WWOX: variants seen among roughly 807,000 people sequenced by gnomAD.
WWOX encodes the protein WW domain containing oxidoreductase.
WWOX carries 69 observed loss-of-function variants against 46.2 expected under a neutral mutation model. That is an observed-to-expected ratio of 1.49 (90% CI 1.23 to 1.82). The LOEUF is 1.82. Ranked by LOEUF, WWOX falls within the 40% of genes most tolerant of loss-of-function variation. WWOX has a pLI of 0.00. For missense variants in WWOX, 919 were observed against 542.6 expected (o/e 1.69, Z -6.89); for synonymous variants, 359 against 202.6 (o/e 1.77, Z -6.56).
intron 8 of WWOX, among the ~76,000 whole-genome samples, chr16:78,703,689 G>C (rs923024134): frequency 6.6e-6 from 1 of 151,976 alleles, no homozygotes; most frequent in African/African-American, 2.4e-5. Context: ...AAAAAGATGG[G>C]TAACTCGGAA....
chr16:79,010,940 G>C (rs1275501864), intron 8 of WWOX, among the ~76,000 whole-genome samples: 3 of 151,842 alleles, frequency 2.0e-5, no homozygotes, highest in Admixed American at 2.0e-4. Flanking sequence ...CCATGGCTTT[G>C]GTTTCTACTT....
chr16:79,074,150 G>A (rs187171598), intron 8 of WWOX, among the ~76,000 whole-genome samples: 36 of 152,164 alleles, frequency 2.4e-4, no homozygotes, highest in African/African-American at 8.2e-4. Flanking sequence ...GTTAGAGTTC[G>A]AGCAGGCAAC....
intron 5 of WWOX, among the ~76,000 whole-genome samples, chr16:78,311,755 C>A (rs1313378836): frequency 3.4e-5 from 5 of 148,984 alleles, no homozygotes; most frequent in African/African-American, 1.3e-4. Flanking sequence ...ATGTTCATTA[C>A]TTAACGTAAT....
rs147337409 is a variant in WWOX, at chr16:78,481,246, A to C, written c.1056+48494A>C. Reference sequence around the variant, plus strand: ...TAATTTTTCTAACTGATGAAAGCGTACTTCCATCAACTCAAGACAGTTCAA... The same window carrying C: ...TAATTTTTCTAACTGATGAAAGCGTCCTTCCATCAACTCAAGACAGTTCAA... On this transcript the variant is annotated intron_variant, in intron 8 of 8. Transcript: ENST00000566780. Among the ~76,000 whole-genome samples, 767 of 152,300 alleles carry C rather than the reference A, an allele frequency of 5.0e-3. 7 individuals carry two copies. The highest frequency in any genetic ancestry group is 0.018 in the African/African-American group (734 of 41,560).
chr16:78,547,127 G>GAAAAAAAAAAAAA (rs199726097), intron 8 of WWOX, among the ~76,000 whole-genome samples: 7 of 87,492 alleles, frequency 8.0e-5, no homozygotes, highest in Middle Eastern at 5.8e-3. Context: ...CCTTGTCTCA[G>GAAAAAAAAAAAAA]AAAAAAAAAA....
At chr16:78,870,446 C>A (rs1388100954) in intron 8 of WWOX, among the ~76,000 whole-genome samples, 2 of 152,012 alleles carry the variant, frequency 1.3e-5, no homozygotes, top group African/African-American at 2.4e-5. Flanking sequence ...ATGGGGATAA[C>A]CGGAATTGAT....
chr16:78,227,175 A>T (rs2037089161), intron 5 of WWOX, among the ~76,000 whole-genome samples: 1 of 151,908 alleles, frequency 6.6e-6, no homozygotes, highest in South Asian at 2.1e-4. Flanking sequence ...CCTGTTCATT[A>T]CTCTTTTTTA....
chr16:78,765,789 C>T (rs1347947495), intron 8 of WWOX, among the ~76,000 whole-genome samples: 2 of 152,162 alleles, frequency 1.3e-5, no homozygotes, highest in Non-Finnish European at 2.9e-5. Context: ...AAATCACAAC[C>T]TCTGTCAGAG....
intron 8 of WWOX, among the ~76,000 whole-genome samples, chr16:78,674,601 C>T (rs1480158198): frequency 6.6e-6 from 1 of 152,102 alleles, no homozygotes; most frequent in Non-Finnish European, 1.5e-5. Context: ...TCATAGTTTA[C>T]TCTTATTATT....
chr16:78,113,726 T>C (rs61228651), intron 3 of WWOX, among the ~76,000 whole-genome samples: 10,644 of 152,222 alleles, frequency 0.07, 807 homozygotes, highest in African/African-American at 0.19. Flanking sequence ...TGGGAAGAGA[T>C]AGTCACGTTT....
At chr16:78,386,053 G>A (rs916360143) in intron 5 of WWOX, among the ~76,000 whole-genome samples, 1 of 152,178 alleles carries the variant, frequency 6.6e-6, no homozygotes, top group Non-Finnish European at 1.5e-5. Flanking sequence ...AGTTCTCCTG[G>A]TTTCTTGCTA....
chr16:78,415,702 GGGAA>G (rs1050098716), intron 6 of WWOX, among the ~76,000 whole-genome samples: 14 of 152,128 alleles, frequency 9.2e-5, no homozygotes, highest in African/African-American at 2.9e-4. Flanking sequence ...GGTTAAAAAA[GGGAA>G]GGAGCTGGTC....
At chr16:78,210,597 A>G (rs1045180095) in intron 5 of WWOX, among the ~76,000 whole-genome samples, 4 of 152,130 alleles carry the variant, frequency 2.6e-5, no homozygotes, top group African/African-American at 9.7e-5. Flanking sequence ...GGCTAATGAC[A>G]CACTGCTTAG....
chr16:79,025,776 G>C (rs2550705), intron 8 of WWOX, among the ~76,000 whole-genome samples: 73,414 of 109,916 alleles, frequency 0.67, 25,575 homozygotes, highest in East Asian at 0.88. Flanking sequence ...CCCTGTTGCC[G>C]TTTTCTTTGC....
intron 8 of WWOX, among the ~76,000 whole-genome samples, chr16:78,664,765 G>T (rs1958273769): frequency 6.6e-6 from 1 of 152,160 alleles, no homozygotes; most frequent in Non-Finnish European, 1.5e-5. Flanking sequence ...ATTAAAGTGG[G>T]ATTTTTCTTA....
intron 8 of WWOX, among the ~76,000 whole-genome samples, chr16:78,448,818 C>T (rs1597100221): frequency 6.6e-6 from 1 of 152,112 alleles, no homozygotes; most frequent in Non-Finnish European, 1.5e-5. Context: ...TTTATGGCTG[C>T]TTCTGATCAT....
intron 8 of WWOX, among the ~76,000 whole-genome samples, chr16:78,969,810 A>G (rs2046435739): frequency 1.3e-5 from 2 of 152,206 alleles, no homozygotes; most frequent in South Asian, 2.1e-4. Flanking sequence ...ATCTGCAGAA[A>G]CAGAAAGTAG....
At chr16:78,599,438 C>T (rs2045569540) in intron 8 of WWOX, among the ~76,000 whole-genome samples, 1 of 152,220 alleles carries the variant, frequency 6.6e-6, no homozygotes. Flanking sequence ...GTGGCCATGG[C>T]TGGGGAATTG....
rs569060804 is a variant in WWOX, at chr16:78,698,453, C to T, written c.1056+265701C>T. On this transcript the variant is annotated intron_variant, in intron 8 of 8. Coordinates refer to ENST00000566780, the MANE Select transcript of WWOX (RefSeq NM_016373.4). Reference sequence around the variant, plus strand: ...TTTTAAATCCTAGCTCCTTTTTAAGCTTTTAATTCCAACTTGCATTTCTTA... The same window carrying T: ...TTTTAAATCCTAGCTCCTTTTTAAGTTTTTAATTCCAACTTGCATTTCTTA... 1.2e-4 allele frequency among the ~76,000 whole-genome samples: 18 copies of T among 152,314 alleles called. No homozygotes were observed. In the South Asian group the frequency reaches 2.1e-3, roughly 18 times the overall value.
Sources: allele counts gnomAD v4.1 joint callset (sites outside exome capture counted in the v4.1 genomes callset), GRCh38; gene constraint gnomAD v4.1.1; transcripts MANE v1.5; gene names NCBI Gene and HGNC (gene_info 2026-07-23, HGNC 2026-07-21).